SPC25: variants seen among roughly 807,000 people sequenced by gnomAD.
The protein encoded by SPC25 is SPC25 component of NDC80 kinetochore complex.
In SPC25, 22 loss-of-function variants were observed where a neutral mutation model predicts 29.6. The ratio of observed to expected loss-of-function variants is 0.74; its 90% CI spans 0.53 to 1.06. The LOEUF is 1.06. Ranked by LOEUF, SPC25 falls within the 50% of genes least tolerant of loss-of-function variation. SPC25 has a pLI of 0.00. For synonymous variants in SPC25, 91 were observed against 90.4 expected (o/e 1.01, Z -0.04); for missense variants, 230 against 255.8 (o/e 0.90, Z 0.69).
intron 6 of SPC25, among the ~76,000 whole-genome samples, chr2:168,873,090 G>A (rs905563520): frequency 6.6e-6 from 1 of 152,200 alleles, no homozygotes; most frequent in African/African-American, 2.4e-5. Context: ...CTTTTGGCCA[G>A]CTGCAGAATC....
chr2:168,889,165 G>C (rs1461670634), intron 3 of SPC25, 61 bp downstream of exon 3: 1 of 1,446,050 alleles, frequency 6.9e-7, no homozygotes, highest in Non-Finnish European at 9.5e-7. Context: ...TTGTATGAGA[G>C]ATTTCATGAT....
At chr2:168,886,749 G>A (rs1690273232) in intron 3 of SPC25, among the ~76,000 whole-genome samples, 1 of 151,146 alleles carries the variant, frequency 6.6e-6, no homozygotes, top group East Asian at 2.0e-4. Context: ...TTGATCTCCT[G>A]ACCTCGTGAT....
intron 3 of SPC25, among the ~76,000 whole-genome samples, chr2:168,886,010 C>T (rs1690254474): frequency 6.6e-6 from 1 of 151,788 alleles, no homozygotes; most frequent in South Asian, 2.1e-4. Context: ...ATTCTATCCT[C>T]ACACAGCATC....
At chr2:168,881,590 C>A (rs535305363) in intron 3 of SPC25, among the ~76,000 whole-genome samples, 11 of 152,284 alleles carry the variant, frequency 7.2e-5, no homozygotes, top group African/African-American at 2.4e-4. Context: ...TCAAGTGGTG[C>A]TTTATAATGT....
intron 3 of SPC25, among the ~76,000 whole-genome samples, chr2:168,888,951 G>GTA (rs1240964693): frequency 1.3e-4 from 8 of 63,576 alleles, no homozygotes; most frequent in African/African-American, 6.1e-4. Flanking sequence ...GTGTGTGTGT[G>GTA]TGTGTGTATA....
At chr2:168,869,317 T>C (rs1220108593), downstream of SPC25, among the ~76,000 whole-genome samples, 1 of 152,082 alleles carries the variant, frequency 6.6e-6, no homozygotes, top group Non-Finnish European at 1.5e-5. Context: ...TGCCCTCTCC[T>C]ACCACTCCTA....
At chr2:168,872,504 A>G (rs111346790) in intron 6 of SPC25, among the ~76,000 whole-genome samples, 2 of 152,128 alleles carry the variant, frequency 1.3e-5, no homozygotes, top group Non-Finnish European at 2.9e-5. Context: ...TGGTCAAAGG[A>G]AAAGAAATTC....
At chr2:168,866,769 CA>C (rs1559150375), downstream of SPC25, among the ~76,000 whole-genome samples, 1 of 92,826 alleles carries the variant, frequency 1.1e-5, no homozygotes, top group Non-Finnish European at 2.0e-5. Context: ...CGAACTCAAA[CA>C]AATTTACAAG....
Position 168,876,143 on chromosome 2 carries a change from C to T in SPC25, c.380G>A (p.Arg127Lys), listed in dbSNP as rs1424161459. Residue 127 changes from arginine to lysine, a missense_variant, in exon 5 of 7, where the codon AGG (arginine) becomes AAG (lysine). By Grantham distance (26) the Arg-to-Lys change is conservative (BLOSUM62 2). Coordinates refer to ENST00000282074, the MANE Select transcript of SPC25 (RefSeq NM_020675.4). Reference protein sequence around the residue: ...ISTANKANAERLKRLQKSADL... With the variant: ...ISTANKANAEKLKRLQKSADL... ...TGCAGATTTCTGCAGCCTTTTCAAC[C>T]TCTCTGCATTCGCTTTATTAGCAGT... The T allele has an allele frequency of 3.8e-6, 6 of 1,571,090 alleles. No individual in the cohort carries two copies. In the East Asian group the frequency reaches 9.4e-5, roughly 25 times the overall value.
At chr2:168,877,193 A>G (rs776207751) in intron 4 of SPC25, 45 bp downstream of exon 4, 3 of 1,598,982 alleles carry the variant, frequency 1.9e-6, no homozygotes, top group South Asian at 2.2e-5. Context: ...GTGAACCGTC[A>G]CCACTTTCCA....
intron 4 of SPC25, chr2:168,864,858 A>AAAAAG (rs1689757382): frequency 1.2e-6 from 2 of 1,614,024 alleles, no homozygotes; most frequent in East Asian, 4.5e-5. Flanking sequence ...ATACACGAGA[A>AAAAAG]AAAAGAAGGA....
intron 6 of SPC25, among the ~76,000 whole-genome samples, chr2:168,873,075 A>G (rs1418931965): frequency 6.6e-6 from 1 of 152,222 alleles, no homozygotes; most frequent in African/African-American, 2.4e-5. Context: ...TTATAAATCA[A>G]AGGCCTTTTG....
chr2:168,884,925 GTAAA>G lies in SPC25; in HGVS notation c.199+4297_199+4300del, dbSNP rs1412465508. On this transcript the variant is annotated intron_variant, in intron 3 of 6. Transcript: ENST00000282074. The stretch of plus-strand genomic sequence containing the variant: ...CACAGTACCTGGCACACAGTAATGA[GTAAA>G]TAAATATTATTACTAACCAAGGCTA... The G allele has an allele frequency of 6.6e-5, 10 of 152,210 alleles. No homozygotes were observed. The East Asian group carries it at 1.4e-3, about 21-fold the overall frequency. The allele number at this position is 152,210 out of a possible 1,614,324, so 9.4% of individuals were successfully genotyped here.
chr2:168,861,700 G>A (rs1370975791), intron 4 of SPC25, among the ~76,000 whole-genome samples: 1 of 152,062 alleles, frequency 6.6e-6, no homozygotes, highest in Admixed American at 6.6e-5. Flanking sequence ...ATACAATGAT[G>A]TTTTTCTCTA....
intron 3 of SPC25, among the ~76,000 whole-genome samples, chr2:168,878,768 A>G (rs913746176): frequency 2.0e-5 from 3 of 152,186 alleles, no homozygotes; most frequent in Non-Finnish European, 4.4e-5. Context: ...TAATAGCTGC[A>G]ATATTCGTTT....
intron 3 of SPC25, among the ~76,000 whole-genome samples, 182 bp downstream of exon 3, chr2:168,889,022 CACATATATATACATATATATAT>C (rs1283051799): frequency 3.6e-5 from 2 of 56,228 alleles, no homozygotes; most frequent in Admixed American, 1.7e-4. Flanking sequence ...TATATATATA[CACATATATATACATATATATAT>C]ACACATATAT....
At chr2:168,886,956 C>A (rs1690277286) in intron 3 of SPC25, among the ~76,000 whole-genome samples, 1 of 152,174 alleles carries the variant, frequency 6.6e-6, no homozygotes, top group Admixed American at 6.5e-5. Flanking sequence ...CAGTTCCAAA[C>A]TTAATTTTCT....
intron 3 of SPC25, among the ~76,000 whole-genome samples, chr2:168,886,273 C>T (rs531961496): frequency 6.6e-6 from 1 of 152,134 alleles, no homozygotes; most frequent in Admixed American, 6.5e-5. Flanking sequence ...CCAGGCTGGT[C>T]TTGAACTCCT....
chr2:168,874,064 G>A (rs1262082061), intron 5 of SPC25, among the ~76,000 whole-genome samples: 1 of 151,994 alleles, frequency 6.6e-6, no homozygotes, highest in Admixed American at 6.6e-5. Flanking sequence ...TCAATAATGG[G>A]CAAAAAATCT....
Sources: allele counts gnomAD v4.1 joint callset (sites outside exome capture counted in the v4.1 genomes callset), GRCh38; gene constraint gnomAD v4.1.1; transcripts MANE v1.5; gene names NCBI Gene and HGNC (gene_info 2026-07-23, HGNC 2026-07-21).